Variants in BMPER observed in about 807,000 individuals in gnomAD.
BMPER encodes the protein BMP-binding endothelial regulator protein.
In BMPER, 45 loss-of-function variants were observed where a neutral mutation model predicts 87.3. That is an observed-to-expected ratio of 0.52 (90% CI 0.41 to 0.66). The LOEUF (loss-of-function observed/expected upper bound fraction) is 0.66. Among genes scored for constraint, BMPER ranks in the 30% least tolerant of loss-of-function variants. The pLI, the probability that BMPER is intolerant of heterozygous loss-of-function variation, is 0.00. For synonymous variants in BMPER, 326 were observed against 316.2 expected (o/e 1.03, Z -0.33); for missense variants, 784 against 867.5 (o/e 0.90, Z 1.21).
chr7:34,085,636 C>G (rs1178309289), intron 12 of BMPER, 120 bp from the exon 13 acceptor site: 5 of 963,682 alleles, frequency 5.2e-6, no homozygotes, highest in South Asian at 4.2e-5. Flanking sequence ...TTTGGACCAA[C>G]CCTTGGTGCT....
At chr7:33,975,656 C>T (rs1473415010) in intron 6 of BMPER, among the ~76,000 whole-genome samples, 1 of 152,068 alleles carries the variant, frequency 6.6e-6, no homozygotes, top group Non-Finnish European at 1.5e-5. Context: ...ATTTTTTAAG[C>T]TTTTAATCTG....
intron 6 of BMPER, among the ~76,000 whole-genome samples, chr7:34,003,198 TAC>T (rs753070335): frequency 2.6e-5 from 4 of 151,654 alleles, no homozygotes; most frequent in East Asian, 1.9e-4. Flanking sequence ...CACACATATA[TAC>T]ACACACACAC....
intron 4 of BMPER, among the ~76,000 whole-genome samples, chr7:33,968,787 G>A (rs1785466664): frequency 6.6e-6 from 1 of 152,286 alleles, no homozygotes; most frequent in South Asian, 2.1e-4. Flanking sequence ...TACCAAGGGA[G>A]CTCTGATGGT....
chr7:34,020,090 T>C (rs1319382888), intron 6 of BMPER, among the ~76,000 whole-genome samples: 1 of 151,662 alleles, frequency 6.6e-6, no homozygotes, highest in Non-Finnish European at 1.5e-5. Context: ...AGATGAAATG[T>C]CCTAGAAAGT....
intron 6 of BMPER, among the ~76,000 whole-genome samples, chr7:34,013,196 C>A (rs952651587): frequency 3.3e-5 from 5 of 151,766 alleles, no homozygotes; most frequent in African/African-American, 1.2e-4. Context: ...AGCCCTGTTT[C>A]TCTAAAGTTC....
Position 34,085,873 on chromosome 7 carries a change from T to C in BMPER, c.1526T>C (p.Ile509Thr), listed in dbSNP as rs775591151. The C allele has an allele frequency of 1.2e-6, 2 of 1,614,106 alleles. No individual in the cohort carries two copies. The highest frequency in any genetic ancestry group is 1.3e-5 in the African/African-American group (1 of 75,020). Residue 509 changes from isoleucine to threonine, a missense_variant, in exon 13 of 15, where the codon ATT (isoleucine) becomes ACT (threonine). Transcript: ENST00000649409. ...AATGGACATAAACGTGATGACTTAA[T>C]TGGTGGAGATGGAAACTTCAAGTTT... ...NYNGHKRDDLIGGDGNFKFDV... is the reference protein window; with the variant it reads ...NYNGHKRDDLTGGDGNFKFDV...
At chr7:34,127,412 C>G (rs1205636849) in intron 13 of BMPER, among the ~76,000 whole-genome samples, 1 of 152,126 alleles carries the variant, frequency 6.6e-6, no homozygotes, top group Non-Finnish European at 1.5e-5. Flanking sequence ...TCAGTGATGC[C>G]ATGTTGGTAC....
In BMPER at chr7:34,046,378, C is replaced by T. The variant is rs1787968148; in HGVS notation, c.649C>T (p.Pro217Ser). The T allele has an allele frequency of 6.2e-7, 1 of 1,613,888 alleles. No individual in the cohort carries two copies. The highest frequency in any genetic ancestry group is 8.5e-7 in the Non-Finnish European group (1 of 1,179,946). The part of the protein sequence containing the change: ...SCPQHLSHIP[P>S]GQCCPKCLGQ... ...TCCCCAGCACCTTAGTCACATACCC[C>T]CAGGACAGTGCTGCCCCAAATGTTT... is the stretch of plus-strand genomic sequence containing the variant. The change falls in exon 7 of 15, where the codon CCA becomes TCA. Residue 217 changes from proline to serine, a missense_variant. Pro to Ser is a moderately conservative substitution (Grantham distance 74, BLOSUM62 -1). Transcript: ENST00000649409.
At chr7:33,994,533 T>C (rs1786343847) in intron 6 of BMPER, among the ~76,000 whole-genome samples, 1 of 152,144 alleles carries the variant, frequency 6.6e-6, no homozygotes, top group African/African-American at 2.4e-5. Context: ...CGCTCCCTAG[T>C]GAGATGAACC....
In BMPER at chr7:34,055,304, G is replaced by T; in HGVS notation, c.927+1G>T. ...CAAATTTGGCAACAAGATTTTCCAGGTATGTCATGAGACAAGCACATGGGA... is the reference window on the plus strand; with the variant it reads ...CAAATTTGGCAACAAGATTTTCCAGTTATGTCATGAGACAAGCACATGGGA... On this transcript the variant is annotated splice_donor_variant, in intron 9 of 14. Transcript: ENST00000649409. LOFTEE classifies it high-confidence loss of function. 6.2e-7 allele frequency: 1 copy of T among 1,613,974 alleles called. No homozygotes were observed. The highest frequency in any genetic ancestry group is 8.5e-7 in the Non-Finnish European group (1 of 1,179,998).
Position 34,153,456 on chromosome 7 carries a change from T to C in BMPER, c.*183T>C. 3 of 634,774 alleles carry C rather than the reference T, an allele frequency of 4.7e-6. No individual in the cohort carries two copies. The highest frequency in any genetic ancestry group is 8.0e-6 in the Non-Finnish European group (3 of 376,450). The allele number at this position is 634,774 out of a possible 1,614,324, so 39.3% of individuals were successfully genotyped here. A position where few individuals can be genotyped will look rare whatever the true frequency, so the allele number is the denominator to read the frequency against. ...ATCATTTATATGAACTATAGGGGGA[T>C]TATTATATGTATATTTTTTGCTATA... On this transcript the variant is annotated 3_prime_UTR_variant, in exon 15 of 15. Coordinates refer to ENST00000649409, the MANE Select transcript of BMPER (RefSeq NM_001365308.1).
intron 11 of BMPER, among the ~76,000 whole-genome samples, chr7:34,078,368 G>T (rs560097251): frequency 6.6e-6 from 1 of 152,264 alleles, no homozygotes; most frequent in East Asian, 1.9e-4. Flanking sequence ...CGGGTGTTGA[G>T]TATCAGCTTT....
At chr7:34,052,682 T>C (rs1011519668) in intron 8 of BMPER, among the ~76,000 whole-genome samples, 1 of 152,190 alleles carries the variant, frequency 6.6e-6, no homozygotes, top group Non-Finnish European at 1.5e-5. Flanking sequence ...ATGGTTGTTG[T>C]TGTTTGTTTT....
chr7:33,975,641 C>T (rs956063405), intron 6 of BMPER, among the ~76,000 whole-genome samples: 1 of 152,086 alleles, frequency 6.6e-6, no homozygotes, highest in Non-Finnish European at 1.5e-5. Context: ...TTAGTACAAC[C>T]ATCTATTTTT....
intron 6 of BMPER, among the ~76,000 whole-genome samples, chr7:34,006,425 A>G (rs1481919347): frequency 3.3e-5 from 5 of 152,060 alleles, no homozygotes; most frequent in Admixed American, 2.6e-4. Flanking sequence ...TGGAAAGGAA[A>G]CACCTTCCTA....
chr7:34,034,345 A>G (rs1270222735), intron 6 of BMPER, among the ~76,000 whole-genome samples: 3 of 152,192 alleles, frequency 2.0e-5, no homozygotes, highest in Admixed American at 6.5e-5. Context: ...ATCATCTTTC[A>G]GTAGGAAGAT....
chr7:33,941,954 C>T (rs1327651865), intron 3 of BMPER, among the ~76,000 whole-genome samples: 2 of 152,116 alleles, frequency 1.3e-5, no homozygotes, highest in Admixed American at 1.3e-4. Context: ...TAAAGCTGCT[C>T]ACCAGGCTGT....
At chr7:34,095,091 A>G (rs927842270) in intron 13 of BMPER, among the ~76,000 whole-genome samples, 3 of 152,254 alleles carry the variant, frequency 2.0e-5, no homozygotes, top group African/African-American at 7.2e-5. Context: ...CACTTTTCAT[A>G]AATTCTTTCA....
chr7:33,913,341 T>C (rs1784006398), intron 2 of BMPER, among the ~76,000 whole-genome samples: 1 of 152,222 alleles, frequency 6.6e-6, no homozygotes, highest in South Asian at 2.1e-4. Flanking sequence ...ATCAGTTCCA[T>C]TCATGTAACT....
Sources: allele counts gnomAD v4.1 joint callset (sites outside exome capture counted in the v4.1 genomes callset), GRCh38; gene constraint gnomAD v4.1.1; transcripts MANE v1.5; gene names NCBI Gene and HGNC (gene_info 2026-07-23, HGNC 2026-07-21).